The following CNGB3 variants were observed in gnomAD, a reference collection of about 807,000 sequenced individuals.
CNGB3 encodes the protein cyclic nucleotide-gated channel beta-3.
In CNGB3, 86 loss-of-function variants were observed where a neutral mutation model predicts 92.8. That is an observed-to-expected ratio of 0.93 (90% CI 0.78 to 1.11). CNGB3 has a LOEUF of 1.11. Among genes scored for constraint, CNGB3 ranks in the 50% least tolerant of loss-of-function variants. The pLI, the probability that CNGB3 is intolerant of heterozygous loss-of-function variation, is 0.00. For missense variants in CNGB3, 1,026 were observed against 956.8 expected, an observed-to-expected ratio of 1.07 and a Z score of -0.95; for synonymous variants, 333 against 332.7, an observed-to-expected ratio of 1.00 and a Z score of -0.01.
At chr8:86,695,188 C>G (rs1010693259) in intron 3 of CNGB3, among the ~76,000 whole-genome samples, 26 of 151,974 alleles carry the variant, frequency 1.7e-4, no homozygotes, top group South Asian at 2.1e-4. Flanking sequence ...CGCAGGCACT[C>G]GGCAGGCACT....
At position 86,720,837 on chromosome 8, in the gene CNGB3, T is replaced by TACAC. The variant is rs1563766058; in HGVS notation, c.338+5693_338+5694insGTGT. Reference sequence around the variant, plus strand: ...GCATATATATATATATATATATATGTATACACACACACACACACACACACA... The same window carrying TACAC: ...GCATATATATATATATATATATATGTACACATACACACACACACACACACACACA... On this transcript the variant is annotated intron_variant, in intron 3 of 17. Coordinates refer to ENST00000320005, the MANE Select transcript of CNGB3 (RefSeq NM_019098.5). Among the ~76,000 whole-genome samples, 108 of 32,868 alleles carry TACAC rather than the reference T, an allele frequency of 3.3e-3. 2 individuals carry two copies. In the South Asian group the frequency reaches 0.073, roughly 22 times the overall value. The allele number at this position is 32,868 out of a possible 152,430, so 21.6% of individuals were successfully genotyped here. A position where few individuals can be genotyped will look rare whatever the true frequency, so the allele number is the denominator to read the frequency against.
chr8:86,681,658 G>T (rs555207472), intron 3 of CNGB3, among the ~76,000 whole-genome samples: 1 of 152,140 alleles, frequency 6.6e-6, no homozygotes, highest in South Asian at 2.1e-4. Context: ...CTCAAACCTG[G>T]CACACTGTCA....
rs1167760370 is a variant in CNGB3 at position 86,639,199 on chromosome 8, A to G, written c.1178+4552T>C. Reference sequence around the variant, plus strand: ...GATACATTAGGGACTGGGACTGTGGATTTGTTAAAAAATTTGTGCACAGTG... The same window carrying G: ...GATACATTAGGGACTGGGACTGTGGGTTTGTTAAAAAATTTGTGCACAGTG... On this transcript the variant is annotated intron_variant, in intron 10 of 17. Transcript: ENST00000320005. 2.0e-5 allele frequency among the ~76,000 whole-genome samples: 3 copies of G among 151,930 alleles called. No homozygotes were observed. In the East Asian group the frequency reaches 5.8e-4, roughly 29 times the overall value.
chr8:86,710,636 A>G (rs1337648589), intron 3 of CNGB3, among the ~76,000 whole-genome samples: 2 of 152,192 alleles, frequency 1.3e-5, no homozygotes, highest in Non-Finnish European at 2.9e-5. Flanking sequence ...ACTACGAATG[A>G]ATTAAAGAGG....
At chr8:86,629,858 C>T (rs898576326) in intron 11 of CNGB3, among the ~76,000 whole-genome samples, 1 of 152,086 alleles carries the variant, frequency 6.6e-6, no homozygotes, top group Non-Finnish European at 1.5e-5. Flanking sequence ...ATATATAGCT[C>T]GACTCTTCCT....
At chr8:86,722,436 T>C (rs1025579995) in intron 3 of CNGB3, among the ~76,000 whole-genome samples, 1 of 152,134 alleles carries the variant, frequency 6.6e-6, no homozygotes, top group East Asian at 1.9e-4. Context: ...AATTGTTTGC[T>C]TTTGGAGGTG....
intron 3 of CNGB3, among the ~76,000 whole-genome samples, chr8:86,671,577 T>C (rs369452245): frequency 1.6e-4 from 24 of 152,182 alleles, no homozygotes; most frequent in African/African-American, 5.3e-4. Context: ...CCTTTAAAAG[T>C]AGAGTTTCTC....
At chr8:86,658,173 G>C in intron 6 of CNGB3, 1 of 540,970 alleles carries the variant, frequency 1.8e-6, no homozygotes, top group Non-Finnish European at 3.4e-6. Context: ...AGGCCACCAG[G>C]TGAGCCAGAC....
chr8:86,688,977 G>T (rs1319199197), intron 3 of CNGB3, among the ~76,000 whole-genome samples: 1 of 150,072 alleles, frequency 6.7e-6, no homozygotes, highest in Non-Finnish European at 1.5e-5. Context: ...CACGGGTCTT[G>T]GTATGTTGTG....
intron 3 of CNGB3, among the ~76,000 whole-genome samples, chr8:86,687,178 G>A (rs990389027): frequency 3.3e-5 from 5 of 151,926 alleles, no homozygotes; most frequent in African/African-American, 9.7e-5. Flanking sequence ...ACCTTGTTGG[G>A]AATATGAGAT....
chr8:86,694,381 G>T (rs1289956479), intron 3 of CNGB3, among the ~76,000 whole-genome samples: 1 of 150,888 alleles, frequency 6.6e-6, no homozygotes, highest in Non-Finnish European at 1.5e-5. Context: ...CCCGGACGGG[G>T]TGGCTGGCCT....
chr8:86,602,581 A>ATAG (rs1454034780), intron 15 of CNGB3, among the ~76,000 whole-genome samples: 1 of 152,218 alleles, frequency 6.6e-6, no homozygotes, highest in Non-Finnish European at 1.5e-5. Flanking sequence ...TGGGAAAGAT[A>ATAG]TAGTACTTGG....
intron 17 of CNGB3, among the ~76,000 whole-genome samples, chr8:86,577,495 A>G (rs1445217519): frequency 2.0e-5 from 3 of 152,214 alleles, no homozygotes; most frequent in Non-Finnish European, 4.4e-5. Flanking sequence ...ACAAACAGCA[A>G]GTTAGCAAGT....
rs367977077 is a variant in CNGB3 at position 86,634,346 on chromosome 8, G to A, written c.1179-1453C>T. ...CTGTAGACTAACATAATTGTTCTGT[G>A]CACATTTAAGTTAGGTTAGGCTAAG... is the stretch of plus-strand genomic sequence containing the variant. On this transcript the variant is annotated intron_variant, in intron 10 of 17. Coordinates refer to ENST00000320005, the MANE Select transcript of CNGB3 (RefSeq NM_019098.5). Among the ~76,000 whole-genome samples, 116 of 152,244 alleles carry A rather than the reference G, an allele frequency of 7.6e-4. 1 individual carries two copies. Among genetic ancestry groups the A allele is most frequent in the African/African-American group, 2.6e-3 (109 of 41,548 alleles).
chr8:86,627,604 A>G (rs1394709401), intron 12 of CNGB3, among the ~76,000 whole-genome samples: 1 of 152,238 alleles, frequency 6.6e-6, no homozygotes, highest in East Asian at 1.9e-4. Context: ...TGGTAAGAAC[A>G]AACTAAAAGT....
intron 6 of CNGB3, among the ~76,000 whole-genome samples, chr8:86,663,680 G>A (rs945357659): frequency 3.3e-5 from 5 of 152,166 alleles, no homozygotes; most frequent in African/African-American, 7.2e-5. Flanking sequence ...AGCTAAATAT[G>A]AGACCTTCAG....
chr8:86,619,334 T>C (rs1446680178), intron 13 of CNGB3, among the ~76,000 whole-genome samples: 1 of 152,204 alleles, frequency 6.6e-6, no homozygotes, highest in African/African-American at 2.4e-5. Flanking sequence ...GAGGGGAAAT[T>C]GCCCATCTCA....
intron 13 of CNGB3, among the ~76,000 whole-genome samples, chr8:86,622,368 C>G (rs1208455679): frequency 2.3e-5 from 3 of 129,812 alleles, no homozygotes; most frequent in South Asian, 4.8e-4. Flanking sequence ...CTTTTGGGGC[C>G]ATTCTTCTTT....
At chr8:86,701,613 A>G (rs1161829492) in intron 3 of CNGB3, among the ~76,000 whole-genome samples, 1 of 152,224 alleles carries the variant, frequency 6.6e-6, no homozygotes, top group Non-Finnish European at 1.5e-5. Context: ...GCAATAATGC[A>G]TTTGTTTATT....
Sources: allele counts gnomAD v4.1 joint callset (sites outside exome capture counted in the v4.1 genomes callset), GRCh38; gene constraint gnomAD v4.1.1; transcripts MANE v1.5; gene names NCBI Gene and HGNC (gene_info 2026-07-23, HGNC 2026-07-21).